FAH: variants seen among roughly 807,000 people sequenced by gnomAD.
FAH encodes the protein fumarylacetoacetate hydrolase.
In FAH, 47 loss-of-function variants were observed where a neutral mutation model predicts 55.8. The ratio of observed to expected loss-of-function variants is 0.84; its 90% confidence interval spans 0.67 to 1.07. The LOEUF (loss-of-function observed/expected upper bound fraction) is 1.07, where lower values mean the gene tolerates loss of function less well. Among genes scored for constraint, FAH ranks in the 50% least tolerant of loss-of-function variants. The probability of loss-of-function intolerance (pLI) is 0.00; values close to 1 mark genes in which losing one functional copy is unlikely to be tolerated. For missense variants in FAH, 495 were observed against 545.9 expected, an observed-to-expected ratio of 0.91 and a Z score of 0.93; for synonymous variants, 199 against 207.7, an observed-to-expected ratio of 0.96 and a Z score of 0.36.
intron 13 of FAH, among the ~76,000 whole-genome samples, chr15:80,182,985 T>C (rs2041343109): frequency 6.6e-6 from 1 of 152,190 alleles, no homozygotes; most frequent in African/African-American, 2.4e-5. Context: ...CAGGCAGCTG[T>C]CCAGGGCCTG....
intron 5 of FAH, among the ~76,000 whole-genome samples, chr15:80,164,728 C>G (rs1050794598): frequency 2.0e-5 from 3 of 152,046 alleles, no homozygotes; most frequent in African/African-American, 7.3e-5. Flanking sequence ...TTATTACATG[C>G]CATGTAATTG....
At position 80,162,305 on chromosome 15, in the gene FAH, A is replaced by T; in HGVS notation, c.424A>T (p.Arg142Trp). ...TGCTACCAACGTCGGAATCATGTTC[A>T]GGGACAAGGAGAATGCGTTGATGCC... ...QHATNVGIMF[R>W]DKENALMPNW... Residue 142 changes from arginine to tryptophan, a missense_variant, in exon 5 of 14, where the codon AGG (arginine) becomes TGG (tryptophan). Physicochemically the swap from Arg to Trp is moderately radical, Grantham distance 101 (BLOSUM62 -3). Coordinates refer to ENST00000561421, the MANE Select transcript of FAH (RefSeq NM_000137.4). 1 of 1,614,244 alleles carries T rather than the reference A, an allele frequency of 6.2e-7. No homozygotes were observed. Among genetic ancestry groups the T allele is most frequent in the South Asian group, 1.1e-5 (1 of 91,084 alleles).
chr15:80,175,819 T>C (rs1448697993), intron 10 of FAH, among the ~76,000 whole-genome samples: 1 of 152,190 alleles, frequency 6.6e-6, no homozygotes, highest in Non-Finnish European at 1.5e-5. Flanking sequence ...TCATGGTGTG[T>C]TGTGAGGACC....
chr15:80,185,569 G>A (rs867846427), intron 13 of FAH, among the ~76,000 whole-genome samples: 2 of 152,226 alleles, frequency 1.3e-5, no homozygotes, highest in Non-Finnish European at 2.9e-5. Flanking sequence ...TAAAGAAAGA[G>A]AGGTTTAATG....
At chr15:80,175,163 C>T (rs2041272390) in intron 10 of FAH, 72 bp downstream of exon 10, 8 of 1,425,914 alleles carry the variant, frequency 5.6e-6, no homozygotes, top group African/African-American at 1.4e-5. Context: ...GTCCTGAAGG[C>T]TCCTGAGCTT....
intron 5 of FAH, 74 bp downstream of exon 5, chr15:80,162,410 A>G: frequency 7.7e-7 from 1 of 1,294,792 alleles, no homozygotes; most frequent in Non-Finnish European, 1.1e-6. Context: ...TTGTCTCAGG[A>G]GCTGCCAAGT....
intron 5 of FAH, among the ~76,000 whole-genome samples, chr15:80,167,678 T>G (rs2041203076): frequency 6.6e-6 from 1 of 151,944 alleles, no homozygotes; most frequent in African/African-American, 2.4e-5. Context: ...ACTACAGGCG[T>G]GCACCACTAT....
At chr15:80,186,478 T>C, downstream of FAH, 1 of 523,854 alleles carries the variant, frequency 1.9e-6, no homozygotes. Context: ...TTGTGGGATT[T>C]TCTTATTAGA....
chr15:80,184,732 A>G (rs74027257), intron 13 of FAH, among the ~76,000 whole-genome samples: 1,854 of 152,274 alleles, frequency 0.012, 44 homozygotes, highest in African/African-American at 0.042. Context: ...GGGGCTTCTT[A>G]GGGCCCCCCA....
intron 7 of FAH, among the ~76,000 whole-genome samples, chr15:80,170,055 A>T (rs1057331933): frequency 6.6e-6 from 1 of 152,112 alleles, no homozygotes; most frequent in African/African-American, 2.4e-5. Context: ...TTCAGAGGGG[A>T]CACTGAAATC....
chr15:80,183,505 G>A (rs1255422319), intron 13 of FAH, among the ~76,000 whole-genome samples: 4 of 152,192 alleles, frequency 2.6e-5, no homozygotes, highest in African/African-American at 4.8e-5. Context: ...CACTGGTCAC[G>A]TGGCCCTGCT....
chr15:80,160,073 G>A (rs2041135649), intron 3 of FAH, 196 bp downstream of exon 3: 2 of 779,846 alleles, frequency 2.6e-6, no homozygotes, highest in Admixed American at 2.4e-5. Context: ...TTGGCGCCTG[G>A]AATGGAGCTG....
At chr15:80,184,790 G>T (rs1274454710) in intron 13 of FAH, among the ~76,000 whole-genome samples, 1 of 152,134 alleles carries the variant, frequency 6.6e-6, no homozygotes, top group Non-Finnish European at 1.5e-5. Context: ...TCGTGCCTGA[G>T]TGTCTGAGCC....
intron 2 of FAH, 56 bp from the exon 3 acceptor site, chr15:80,159,700 G>A: frequency 1.2e-6 from 2 of 1,612,112 alleles, no homozygotes; most frequent in Non-Finnish European, 1.7e-6. Context: ...TTGGAAGGAG[G>A]GATACTCCCT....
rs958522605 is a variant in FAH at position 80,153,004 on chromosome 15, T to C, written c.-51T>C. 6.5e-7 allele frequency: 1 copy of C among 1,544,712 alleles called. No individual in the cohort carries two copies. The highest frequency in any genetic ancestry group is 8.9e-7 in the Non-Finnish European group (1 of 1,123,642). ...TGACCACAGCGGCCGAGTTCAGTCCTGCTCTCCGCACGCCACCTTAGGCCC... is the reference window on the plus strand; with the variant it reads ...TGACCACAGCGGCCGAGTTCAGTCCCGCTCTCCGCACGCCACCTTAGGCCC... On this transcript the variant is annotated 5_prime_UTR_variant, in exon 1 of 14. Coordinates refer to ENST00000561421, the MANE Select transcript of FAH (RefSeq NM_000137.4).
In FAH at chr15:80,159,777, G is replaced by C. The variant is rs1338548882; in HGVS notation, c.214G>C (p.Gly72Arg). The C allele has an allele frequency of 6.2e-7, 1 of 1,614,180 alleles. No homozygotes were observed. Among genetic ancestry groups the C allele is most frequent in the Non-Finnish European group, 8.5e-7 (1 of 1,180,024 alleles). Residue 72 changes from glycine to arginine, a missense_variant, in exon 3 of 14, where the codon GGC becomes CGC. Physicochemically the swap from Gly to Arg is moderately radical, Grantham distance 125. Coordinates refer to ENST00000561421, the MANE Select transcript of FAH (RefSeq NM_000137.4). Reference sequence around the variant, plus strand: ...TTAGCCTACACTCAACAGCTTCATGGGCCTGGGTCAGGCTGCCTGGAAGGA... The same window carrying C: ...TTAGCCTACACTCAACAGCTTCATGCGCCTGGGTCAGGCTGCCTGGAAGGA... ...FNQPTLNSFM[G>R]LGQAAWKEAR...
intron 9 of FAH, chr15:80,173,650 A>C: frequency 3.8e-6 from 1 of 261,006 alleles, no homozygotes. Context: ...GCCTGTTGCA[A>C]TCTGCCCCAC....
At chr15:80,154,847 G>T (rs1022640110) in intron 1 of FAH, among the ~76,000 whole-genome samples, 5 of 152,176 alleles carry the variant, frequency 3.3e-5, no homozygotes, top group African/African-American at 1.2e-4. Context: ...GTGTACAGGG[G>T]TGCTCTCTGT....
At chr15:80,155,363 TATTA>T (rs1400240409) in intron 1 of FAH, among the ~76,000 whole-genome samples, 1 of 152,162 alleles carries the variant, frequency 6.6e-6, no homozygotes, top group Non-Finnish European at 1.5e-5. Context: ...GATTTACAGA[TATTA>T]ATTAAATTCT....
Sources: allele counts gnomAD v4.1 joint callset (sites outside exome capture counted in the v4.1 genomes callset), GRCh38; gene constraint gnomAD v4.1.1; transcripts MANE v1.5; gene names NCBI Gene and HGNC (gene_info 2026-07-23, HGNC 2026-07-21).